CMSS1: variants seen among roughly 807,000 people sequenced by gnomAD.
The protein encoded by CMSS1 is cms1 ribosomal small subunit homolog.
A neutral mutation model predicts 43.5 loss-of-function variants in CMSS1; 33 were observed. The ratio of observed to expected loss-of-function variants is 0.76; its 90% CI spans 0.57 to 1.01. The LOEUF (loss-of-function observed/expected upper bound fraction) is 1.01. Ranked by LOEUF, CMSS1 falls within the 50% of genes least tolerant of loss-of-function variation. The pLI is 0.00. For synonymous variants in CMSS1, 115 were observed against 117.2 expected (o/e 0.98, Z 0.12); for missense variants, 313 against 326.4 (o/e 0.96, Z 0.32).
chr3:100,166,388 A>C lies in CMSS1; in HGVS notation c.409A>C (p.Lys137Gln). 6.3e-7 allele frequency: 1 copy of C among 1,575,536 alleles called. No individual in the cohort carries two copies. Among genetic ancestry groups the C allele is most frequent in the Non-Finnish European group, 8.7e-7 (1 of 1,145,616 alleles). The change falls in exon 5 of 10, where the codon AAA becomes CAA. Residue 137 changes from lysine to glutamine, a missense_variant. Transcript: ENST00000421999. ...GACTCACAGTCTTTCCTCATACCTA[A>C]AAGAAAGTAAGTAAACTCTGATTTT... is the stretch of plus-strand genomic sequence containing the variant. ...DLTHSLSSYLKEICPKWVKLR... is the reference protein window; with the variant it reads ...DLTHSLSSYLQEICPKWVKLR...
At chr3:100,106,263 C>G (rs1443909541) in intron 1 of CMSS1, among the ~76,000 whole-genome samples, 1 of 152,144 alleles carries the variant, frequency 6.6e-6, no homozygotes, top group Admixed American at 6.5e-5. Context: ...GTGGAATACT[C>G]TCCAGGGATT....
At chr3:99,976,873 C>T (rs1297251490) in intron 1 of CMSS1, among the ~76,000 whole-genome samples, 1 of 152,160 alleles carries the variant, frequency 6.6e-6, no homozygotes, top group Non-Finnish European at 1.5e-5. Context: ...TTTTCTCTGG[C>T]TTCCTACCTT....
chr3:100,167,884 A>G, intron 6 of CMSS1, 44 bp downstream of exon 6: 1 of 1,324,294 alleles, frequency 7.6e-7, no homozygotes, highest in Non-Finnish European at 1.1e-6. Flanking sequence ...TTTTCTGAAT[A>G]ACTGATATAT....
chr3:100,121,361 A>G (rs1576086067), intron 1 of CMSS1, among the ~76,000 whole-genome samples: 2 of 148,274 alleles, frequency 1.3e-5, no homozygotes, highest in East Asian at 4.1e-4. Context: ...TGTCCTTGTG[A>G]TAGTTTGCTG....
At chr3:100,045,320 A>G (rs377071223) in intron 1 of CMSS1, among the ~76,000 whole-genome samples, 6 of 152,238 alleles carry the variant, frequency 3.9e-5, no homozygotes, top group African/African-American at 1.4e-4. Context: ...TGCCATTATT[A>G]CTATGTCTAG....
intron 1 of CMSS1, among the ~76,000 whole-genome samples, chr3:99,865,951 T>TA (rs751094915): frequency 1.2e-3 from 179 of 152,190 alleles, no homozygotes; most frequent in Non-Finnish European, 2.0e-3. Context: ...TAACCTCCAT[T>TA]AGTCCCTTTT....
intron 1 of CMSS1, chr3:99,850,913 G>A (rs1232469388): frequency 2.5e-6 from 4 of 1,614,148 alleles, no homozygotes; most frequent in Admixed American, 1.7e-5. Context: ...TGTCTTTGAA[G>A]GGTGAGCTGT....
intron 1 of CMSS1, among the ~76,000 whole-genome samples, chr3:99,956,600 G>A (rs149926867): frequency 0.011 from 1,712 of 152,276 alleles, 18 homozygotes; most frequent in African/African-American, 0.025. Flanking sequence ...ACCTGCCTCG[G>A]CCTTCCAAAG....
chr3:99,985,087 C>CT (rs1271103298), intron 1 of CMSS1, among the ~76,000 whole-genome samples: 1 of 152,080 alleles, frequency 6.6e-6, no homozygotes, highest in Non-Finnish European at 1.5e-5. Context: ...TCTGCTTATC[C>CT]TTTTTTAATT....
At chr3:99,906,458 C>T (rs2107633738) in intron 1 of CMSS1, among the ~76,000 whole-genome samples, 1 of 152,254 alleles carries the variant, frequency 6.6e-6, no homozygotes, top group South Asian at 2.1e-4. Flanking sequence ...AAGCAAATAT[C>T]TTCTCCCAAT....
At chr3:100,156,889 A>G (rs1462765270) in intron 2 of CMSS1, among the ~76,000 whole-genome samples, 1 of 152,166 alleles carries the variant, frequency 6.6e-6, no homozygotes, top group Non-Finnish European at 1.5e-5. Flanking sequence ...TGCTGGGATT[A>G]CAGGTGTGAG....
chr3:100,137,780 A>G (rs1284446559), intron 1 of CMSS1, among the ~76,000 whole-genome samples: 2 of 152,044 alleles, frequency 1.3e-5, no homozygotes, highest in African/African-American at 4.8e-5. Flanking sequence ...GTTAGCCAGG[A>G]TGGTTTCGAT....
At chr3:100,150,847 T>C (rs1264833705) in intron 2 of CMSS1, among the ~76,000 whole-genome samples, 3 of 152,236 alleles carry the variant, frequency 2.0e-5, no homozygotes, top group African/African-American at 7.2e-5. Context: ...TTTGTAATTA[T>C]GGTTCCCAGA....
chr3:99,846,162 C>G (rs1236531613), intron 1 of CMSS1, among the ~76,000 whole-genome samples: 1 of 152,188 alleles, frequency 6.6e-6, no homozygotes, highest in Non-Finnish European at 1.5e-5. Flanking sequence ...CCCCCGTCCC[C>G]CACCAGCACT....
intron 1 of CMSS1, among the ~76,000 whole-genome samples, chr3:99,952,821 T>G (rs1284712364): frequency 6.6e-6 from 1 of 152,226 alleles, no homozygotes; most frequent in African/African-American, 2.4e-5. Flanking sequence ...CAGATTTTAT[T>G]TGAATTAGTT....
intron 1 of CMSS1, among the ~76,000 whole-genome samples, chr3:100,078,069 GGCTT>G (rs573484983): frequency 5.3e-5 from 8 of 150,970 alleles, no homozygotes; most frequent in Admixed American, 5.3e-4. Flanking sequence ...GTTAGAATTG[GGCTT>G]GCTTTAAAAA....
In CMSS1 at chr3:100,167,724, G is replaced by T; in HGVS notation, c.416-14G>T. ...GCCATATTTCAAATAATTGTTTTCT[G>T]TTCTTTTTTCCAGTTTGTCCTAAGT... On this transcript the variant is annotated splice_polypyrimidine_tract_variant and intron_variant, in intron 5 of 9. Coordinates refer to ENST00000421999, the MANE Select transcript of CMSS1 (RefSeq NM_032359.4). 1 of 1,573,212 alleles carries T rather than the reference G, an allele frequency of 6.4e-7. No homozygotes were observed. Among genetic ancestry groups the T allele is most frequent in the Non-Finnish European group, 8.7e-7 (1 of 1,149,314 alleles).
At chr3:100,016,422 C>T (rs187966307) in intron 1 of CMSS1, among the ~76,000 whole-genome samples, 13 of 152,234 alleles carry the variant, frequency 8.5e-5, no homozygotes, top group Non-Finnish European at 1.3e-4. Flanking sequence ...AATTCCTGAC[C>T]TCAGGTGATC....
Position 99,915,265 on chromosome 3 carries a change from A to C in CMSS1, c.64+97222A>C, listed in dbSNP as rs552330465. 2.0e-5 allele frequency among the ~76,000 whole-genome samples: 3 copies of C among 152,322 alleles called. No homozygotes were observed. In the East Asian group the frequency reaches 5.8e-4, roughly 29 times the overall value. ...GAAAATAATAGATTAAAATGTAGCC[A>C]ACTTTTCCTACATTTCATTCACTCA... is the stretch of plus-strand genomic sequence containing the variant. On this transcript the variant is annotated intron_variant, in intron 1 of 9. Transcript: ENST00000421999.
Sources: allele counts gnomAD v4.1 joint callset (sites outside exome capture counted in the v4.1 genomes callset), GRCh38; gene constraint gnomAD v4.1.1; transcripts MANE v1.5; gene names NCBI Gene and HGNC (gene_info 2026-07-23, HGNC 2026-07-21).